Variants in CALN1 observed in about 807,000 individuals in gnomAD.
The protein encoded by CALN1 is calneuron 1.
Under a neutral mutation model 30.6 loss-of-function variants are expected in CALN1, and 17 were observed. The ratio of observed to expected loss-of-function variants is 0.56; its 90% CI spans 0.38 to 0.83. The LOEUF is 0.83. CALN1 is among the 40% of genes least tolerant of loss of function. The probability of loss-of-function intolerance (pLI) is 0.00; values close to 1 mark genes in which losing one functional copy is unlikely to be tolerated. For missense variants in CALN1, 291 were observed against 354.9 expected (o/e 0.82, Z 1.45); for synonymous variants, 156 against 131.4 (o/e 1.19, Z -1.28).
At chr7:72,023,796 T>C (rs1184085747) in intron 4 of CALN1, 27 bp from the exon 5 acceptor site, 1 of 1,578,188 alleles carries the variant, frequency 6.3e-7, no homozygotes, top group Admixed American at 1.7e-5. Flanking sequence ...TAAATATGAG[T>C]TGCAAACAAG....
At chr7:72,323,311 G>C (rs776152905) in intron 2 of CALN1, among the ~76,000 whole-genome samples, 17 of 152,090 alleles carry the variant, frequency 1.1e-4, no homozygotes, top group Non-Finnish European at 2.4e-4. Flanking sequence ...GATTCTGGAA[G>C]CCCTTCGTGT....
chr7:72,094,515 A>C (rs1806086542), intron 4 of CALN1, among the ~76,000 whole-genome samples: 1 of 152,138 alleles, frequency 6.6e-6, no homozygotes. Flanking sequence ...CAGCCTCCCA[A>C]AGTGCTGGGA....
At chr7:72,485,568 C>T in the CALN1 span, among the ~76,000 whole-genome samples, 9 of 152,100 alleles carry the variant, frequency 5.9e-5, no homozygotes, top group South Asian at 2.1e-4. Context: ...GTGGCCATTG[C>T]GCTTAACAGA....
At chr7:72,180,160 T>TTGTTC (rs1789659594) in intron 3 of CALN1, among the ~76,000 whole-genome samples, 2 of 152,226 alleles carry the variant, frequency 1.3e-5, no homozygotes, top group Admixed American at 1.3e-4. Flanking sequence ...ATCATTTAGT[T>TTGTTC]TGTTCCTCTG....
chr7:72,051,136 T>C (rs1234358923), intron 4 of CALN1, among the ~76,000 whole-genome samples: 1 of 151,834 alleles, frequency 6.6e-6, no homozygotes, highest in African/African-American at 2.4e-5. Context: ...ATTAGGGTGA[T>C]GGTAGAATTA....
chr7:71,859,851 C>T (rs553754162), intron 5 of CALN1, among the ~76,000 whole-genome samples: 2 of 152,250 alleles, frequency 1.3e-5, no homozygotes, highest in African/African-American at 4.8e-5. Context: ...CTGAGACCCA[C>T]TTGGCTGCAT....
intron 1 of CALN1, among the ~76,000 whole-genome samples, chr7:72,406,543 G>A (rs1806706434): frequency 6.6e-6 from 1 of 151,840 alleles, no homozygotes; most frequent in Admixed American, 6.6e-5. Flanking sequence ...GGAAGGAGCT[G>A]GATTTTTGAG....
intron 4 of CALN1, among the ~76,000 whole-genome samples, chr7:72,048,806 T>A (rs1802651300): frequency 6.6e-6 from 1 of 151,502 alleles, no homozygotes; most frequent in African/African-American, 2.4e-5. Context: ...TTTTCCTTCC[T>A]TCCTTCTCTT....
In CALN1 at chr7:71,937,446, A is replaced by AATAT. The variant is rs113983664; in HGVS notation, c.501+86207_501+86210dup. On this transcript the variant is annotated intron_variant, in intron 5 of 6. Coordinates refer to ENST00000395275, the MANE Select transcript of CALN1 (RefSeq NM_031468.4). ...TATGTATGTATATGTATATACATCT[A>AATAT]ATATATATATATATAGATGTATAAT... Among the ~76,000 whole-genome samples the AATAT allele has an allele frequency of 8.6e-3, 1,279 of 149,484 alleles. 16 individuals are homozygous for AATAT. The highest frequency in any genetic ancestry group is 0.029 in the African/African-American group (1,195 of 40,866).
intron 4 of CALN1, among the ~76,000 whole-genome samples, chr7:72,104,400 A>C (rs892230529): frequency 6.6e-6 from 1 of 152,004 alleles, no homozygotes; most frequent in African/African-American, 2.4e-5. Context: ...ATTTTCCTTC[A>C]ACTTTTATTT....
At chr7:71,810,252 G>C (rs1787869619) in intron 6 of CALN1, 84 bp downstream of exon 6, 1 of 1,439,374 alleles carries the variant, frequency 6.9e-7, no homozygotes, top group Admixed American at 2.0e-5. Context: ...CCAAGAGCCT[G>C]TGTGTGAACG....
intron 3 of CALN1, among the ~76,000 whole-genome samples, chr7:72,184,867 G>A (rs1040998536): frequency 2.0e-5 from 3 of 151,596 alleles, no homozygotes; most frequent in Non-Finnish European, 2.9e-5. Context: ...ATCATAGCTC[G>A]CTGCAGCCTT....
the CALN1 span, among the ~76,000 whole-genome samples, chr7:72,479,261 T>C: frequency 1.3e-5 from 2 of 152,184 alleles, no homozygotes; most frequent in Admixed American, 6.5e-5. Context: ...TTATCAAGTT[T>C]GGAAAGTTCT....
At chr7:72,439,571 T>A (rs1180934560) in intron 1 of CALN1, among the ~76,000 whole-genome samples, 1 of 143,426 alleles carries the variant, frequency 7.0e-6, no homozygotes, top group Non-Finnish European at 1.5e-5. Flanking sequence ...TCTTTATCCT[T>A]GTCGTTTATT....
chr7:71,928,395 C>T (rs904860128), intron 5 of CALN1, among the ~76,000 whole-genome samples: 3 of 151,118 alleles, frequency 2.0e-5, no homozygotes, highest in Admixed American at 1.3e-4. Context: ...TTCAGGCCAC[C>T]CAATTGCCCT....
chr7:72,238,915 G>A (rs1187144025), intron 3 of CALN1, among the ~76,000 whole-genome samples: 3 of 152,192 alleles, frequency 2.0e-5, no homozygotes, highest in Non-Finnish European at 4.4e-5. Flanking sequence ...TGACAAGACA[G>A]AGACCCAGAC....
At chr7:72,433,857 G>A (rs962637056) in intron 1 of CALN1, among the ~76,000 whole-genome samples, 1 of 152,026 alleles carries the variant, frequency 6.6e-6, no homozygotes, top group African/African-American at 2.4e-5. Context: ...AGGAGTTCCA[G>A]ACCAGCCTGG....
chr7:72,084,248 G>C (rs770754622), intron 4 of CALN1, among the ~76,000 whole-genome samples: 12 of 151,928 alleles, frequency 7.9e-5, no homozygotes, highest in Non-Finnish European at 8.8e-5. Context: ...ATTACACTTA[G>C]AATAACTAAA....
At position 71,787,424 on chromosome 7, in the gene CALN1, C is replaced by G; in HGVS notation, c.*351G>C. 4.8e-5 allele frequency: 11 copies of G among 228,364 alleles called. No homozygotes were observed. The highest frequency in any genetic ancestry group is 2.8e-4 in the South Asian group (4 of 14,172). 14.1% of individuals were successfully genotyped at this position (228,364 alleles called of 1,614,324 possible). Reference sequence around the variant, plus strand: ...ACTGTGTGTTCATGCCTCTCTCTTGCTCTCTCACCATTATACCTGGATGGC... The same window carrying G: ...ACTGTGTGTTCATGCCTCTCTCTTGGTCTCTCACCATTATACCTGGATGGC... On this transcript the variant is annotated 3_prime_UTR_variant, in exon 7 of 7. Transcript: ENST00000395275.
Sources: gnomAD v4.1 joint callset for allele counts (sites outside exome capture counted in the v4.1 genomes callset) on GRCh38, gnomAD v4.1.1 for gene constraint, MANE v1.5 for transcripts, NCBI Gene and HGNC (gene_info 2026-07-23, HGNC 2026-07-21) for gene names.